AKAP13: variants seen among roughly 807,000 people sequenced by gnomAD.
The protein encoded by AKAP13 is A-kinase anchoring protein 13.
Under a neutral mutation model 264.5 loss-of-function variants are expected in AKAP13, and 80 were observed. The observed-to-expected ratio is 0.30, with a 90% confidence interval of 0.25 to 0.36. The LOEUF is 0.36. Ranked by LOEUF, AKAP13 falls within the 10% of genes least tolerant of loss-of-function variation. AKAP13 has a pLI of 1.00. For missense variants in AKAP13, 3,712 were observed against 3,435.2 expected, an observed-to-expected ratio of 1.08 and a Z score of -2.01; for synonymous variants, 1,380 against 1,250.2, an observed-to-expected ratio of 1.10 and a Z score of -2.19.
chr15:85,421,033 A>T (rs2072496547), intron 1 of AKAP13, among the ~76,000 whole-genome samples: 1 of 152,216 alleles, frequency 6.6e-6, no homozygotes, highest in Non-Finnish European at 1.5e-5. Flanking sequence ...ATAGACTTTT[A>T]TTAAACAAAG....
rs1358849643 is a variant in AKAP13, at chr15:85,384,688, G to A, written c.-12+3890G>A. ...GCCGAGATCATGCCACTGTGCTCCA[G>A]TCTGGGCGACAGAGCGAGACTCCGT... On this transcript the variant is annotated intron_variant, in intron 1 of 36. Coordinates refer to ENST00000394518, the MANE Select transcript of AKAP13 (RefSeq NM_007200.5). 5.4e-5 allele frequency among the ~76,000 whole-genome samples: 8 copies of A among 148,894 alleles called. No homozygotes were observed. In the Middle Eastern group the frequency reaches 0.017, roughly 323 times the overall value.
At chr15:85,560,663 T>C (rs1411212083) in intron 5 of AKAP13, among the ~76,000 whole-genome samples, 1 of 81,872 alleles carries the variant, frequency 1.2e-5, no homozygotes, top group Admixed American at 1.2e-4. Flanking sequence ...GGCCCTCTTT[T>C]ATTATGAGTA....
At chr15:85,408,530 T>C (rs1428584801) in intron 1 of AKAP13, among the ~76,000 whole-genome samples, 1 of 151,750 alleles carries the variant, frequency 6.6e-6, no homozygotes, top group African/African-American at 2.4e-5. Flanking sequence ...TTCCTGTTTC[T>C]ATGGATTTGA....
chr15:85,445,416 C>A (rs562278163), intron 1 of AKAP13, among the ~76,000 whole-genome samples: 6 of 152,246 alleles, frequency 3.9e-5, no homozygotes, highest in Admixed American at 3.9e-4. Context: ...GAAAGAAAAC[C>A]CATACATCTT....
chr15:85,518,187 A>G (rs971737201), intron 2 of AKAP13, among the ~76,000 whole-genome samples: 3 of 152,200 alleles, frequency 2.0e-5, no homozygotes, highest in African/African-American at 7.2e-5. Context: ...GGATTAAAGC[A>G]TCATGACAAA....
intron 2 of AKAP13, among the ~76,000 whole-genome samples, chr15:85,494,453 C>T (rs1306982783): frequency 1.3e-5 from 2 of 152,164 alleles, no homozygotes; most frequent in Non-Finnish European, 2.9e-5. Context: ...AATTAGGCGA[C>T]GTGGATGAAT....
chr15:85,533,775 C>T lies in AKAP13; in HGVS notation c.373C>T (p.Pro125Ser), dbSNP rs778260130. ...CCGTTTTCTTGACCAGTCAGGACCC[C>T]CATCTGGGGATGTGAATTCCCTTGA... The part of the protein sequence containing the change: ...FTRFLDQSGP[P>S]SGDVNSLDKK... Residue 125 changes from proline to serine, a missense_variant, in exon 4 of 37, where the codon CCA (proline) becomes TCA (serine). Pro to Ser is a moderately conservative substitution (Grantham distance 74). Transcript: ENST00000394518. 2 of 1,613,882 alleles carry T rather than the reference C, an allele frequency of 1.2e-6. No homozygotes were observed. The highest frequency in any genetic ancestry group is 2.2e-5 in the South Asian group (2 of 91,024).
intron 2 of AKAP13, among the ~76,000 whole-genome samples, chr15:85,493,715 A>G (rs1056796653): frequency 1.6e-4 from 24 of 152,156 alleles, no homozygotes; most frequent in African/African-American, 5.6e-4. Context: ...TCTATTTTTT[A>G]TGAACATAGT....
intron 1 of AKAP13, among the ~76,000 whole-genome samples, chr15:85,447,668 A>G (rs1361994427): frequency 1.3e-5 from 2 of 152,242 alleles, no homozygotes; most frequent in African/African-American, 2.4e-5. Context: ...AATAGCCTCC[A>G]GCTTCATCCA....
intron 1 of AKAP13, among the ~76,000 whole-genome samples, chr15:85,420,158 G>T (rs1405758397): frequency 6.6e-6 from 1 of 151,472 alleles, no homozygotes; most frequent in Non-Finnish European, 1.5e-5. Flanking sequence ...AGCCGGGATG[G>T]TCTCGATCTC....
At chr15:85,606,901 C>T (rs1396366703) in intron 8 of AKAP13, among the ~76,000 whole-genome samples, 1 of 152,038 alleles carries the variant, frequency 6.6e-6, no homozygotes, top group East Asian at 1.9e-4. Context: ...TGCTCTTTAC[C>T]CCAATGGGTC....
rs558242018 is a variant in AKAP13 at position 85,498,856 on chromosome 15, C to G, written c.33+13103C>G. 1.1e-4 allele frequency among the ~76,000 whole-genome samples: 17 copies of G among 152,268 alleles called. 1 individual carries two copies. In the South Asian group the frequency reaches 3.5e-3, roughly 32 times the overall value. On this transcript the variant is annotated intron_variant, in intron 2 of 36. Transcript: ENST00000394518. Reference sequence around the variant, plus strand: ...AAATGCAGGTGTTTACGCCCCATCTCAGACCTAAATGCCAGAGGGTGGGGC... The same window carrying G: ...AAATGCAGGTGTTTACGCCCCATCTGAGACCTAAATGCCAGAGGGTGGGGC...
chr15:85,527,940 C>T (rs572218465), intron 3 of AKAP13, among the ~76,000 whole-genome samples: 1 of 152,254 alleles, frequency 6.6e-6, no homozygotes, highest in South Asian at 2.1e-4. Context: ...TAGAAGGTGA[C>T]ATCTGTGTGG....
chr15:85,718,236 T>G lies in AKAP13; in HGVS notation c.6001+77T>G. 4.5e-6 allele frequency: 7 copies of G among 1,551,082 alleles called. No individual in the cohort carries two copies. Among genetic ancestry groups the G allele is most frequent in the Non-Finnish European group, 6.1e-6 (7 of 1,143,272 alleles). ...TTTTAAGCAGTAATTTGTTGGACTA[T>G]GAAAAATCAGTTTTTTAGTATGTGG... On this transcript the variant is annotated intron_variant, in intron 22 of 36. Transcript: ENST00000394518. This position sits in a 1 kb window ranked among gnomAD's most constrained non-coding sequence, Gnocchi z 4.9.
chr15:85,723,192 C>T lies in AKAP13; in HGVS notation c.6617C>T (p.Thr2206Ile). ...AAAGTGCGTCTCAATGAGATTTATA[C>T]AAAGACAGATAGCAAGTCAATCATG... ...EKKVRLNEIY[T>I]KTDSKSIMRM... The change falls in exon 26 of 37, where the codon ACA (threonine) becomes ATA (isoleucine). Residue 2206 changes from threonine (T) to isoleucine (I), a missense_variant. Thr to Ile is a moderately conservative substitution (Grantham distance 89, BLOSUM62 -1). Transcript: ENST00000394518. 1.2e-6 allele frequency: 2 copies of T among 1,614,130 alleles called. No homozygotes were observed. Among genetic ancestry groups the T allele is most frequent in the Non-Finnish European group, 1.7e-6 (2 of 1,180,000 alleles).
At chr15:85,677,200 C>A (rs1340314453) in intron 14 of AKAP13, 2 of 890,958 alleles carry the variant, frequency 2.2e-6, no homozygotes, top group African/African-American at 3.6e-5. Context: ...GGGCTTTTAG[C>A]CTCTTGCATG....
At chr15:85,523,734 G>A (rs1404564368) in intron 3 of AKAP13, among the ~76,000 whole-genome samples, 1 of 152,130 alleles carries the variant, frequency 6.6e-6, no homozygotes, top group African/African-American at 2.4e-5. Context: ...CAGCTTCCCA[G>A]AAGCTGCTCT....
At chr15:85,723,500 C>A (rs1315784755) in intron 26 of AKAP13, among the ~76,000 whole-genome samples, 180 bp downstream of exon 26, 1 of 152,004 alleles carries the variant, frequency 6.6e-6, no homozygotes, top group African/African-American at 2.4e-5. Flanking sequence ...TTGTGATGGC[C>A]TGCAAAATCA....
chr15:85,441,237 T>C (rs2073639615), intron 1 of AKAP13, among the ~76,000 whole-genome samples: 1 of 138,580 alleles, frequency 7.2e-6, no homozygotes, highest in Non-Finnish European at 1.7e-5. Flanking sequence ...TGGGTGTGTA[T>C]TGATAATGAC....
Sources: allele counts gnomAD v4.1 joint callset (sites outside exome capture counted in the v4.1 genomes callset), GRCh38; gene constraint gnomAD v4.1.1; non-coding constraint Gnocchi (gnomAD v3.1); transcripts MANE v1.5; gene names NCBI Gene and HGNC (gene_info 2026-07-23, HGNC 2026-07-21).